ANKIB1: variants seen among roughly 807,000 people sequenced by gnomAD.
ANKIB1 encodes the protein ankyrin repeat and IBR domain containing 1, also known as ankyrin repeat and IBR domain-containing protein 1.
In ANKIB1, 43 loss-of-function variants were observed where a neutral mutation model predicts 122.1. The ratio of observed to expected loss-of-function variants is 0.35; its 90% CI spans 0.28 to 0.45. ANKIB1 has a LOEUF of 0.45. ANKIB1 is among the 20% of genes least tolerant of loss of function. The pLI is 1.00. For synonymous variants in ANKIB1, 390 were observed against 442.0 expected (o/e 0.88, Z 1.48); for missense variants, 992 against 1,329.5 (o/e 0.75, Z 3.95).
chr7:92,392,833 C>A (rs905317909), intron 17 of ANKIB1, among the ~76,000 whole-genome samples: 1 of 151,832 alleles, frequency 6.6e-6, no homozygotes, highest in East Asian at 1.9e-4. Flanking sequence ...ATTAATATAC[C>A]GTTTTGAAAT....
chr7:92,396,382 G>A lies in ANKIB1; in HGVS notation c.2301G>A (p.Gln767=), dbSNP rs1804889626. 1.9e-6 allele frequency: 3 copies of A among 1,584,006 alleles called. No homozygotes were observed. Among genetic ancestry groups the A allele is most frequent in the Non-Finnish European group, 1.7e-6 (2 of 1,161,250 alleles). ...FASPEEYAEF[Q]YRRRHRQRRR... is the part of the protein sequence containing the mutation. The stretch of plus-strand genomic sequence containing the variant: ...TTATGCAGGAATATGCTGAATTTCA[G>A]TATCGGAGGAGGCACAGACAACGTC... The change falls in exon 18 of 20, where the codon CAG becomes CAA. Residue 767 remains glutamine, a synonymous_variant. Transcript: ENST00000265742.
At chr7:92,358,872 G>C (rs1052308331) in intron 9 of ANKIB1, among the ~76,000 whole-genome samples, 3 of 151,958 alleles carry the variant, frequency 2.0e-5, no homozygotes, top group Admixed American at 1.3e-4. Context: ...TAAAAAATGA[G>C]TCATGAGAAA....
chr7:92,280,868 T>C (rs1212326734), intron 1 of ANKIB1, among the ~76,000 whole-genome samples: 2 of 152,348 alleles, frequency 1.3e-5, no homozygotes, highest in Admixed American at 6.5e-5. Context: ...TCATCCTTTC[T>C]TTTCCCAAAC....
chr7:92,312,074 T>C (rs573542215), intron 3 of ANKIB1, among the ~76,000 whole-genome samples: 17 of 152,260 alleles, frequency 1.1e-4, no homozygotes, highest in Admixed American at 9.8e-4. Context: ...TGGATCTGCC[T>C]CTTTTTTTTA....
At position 92,246,527 on chromosome 7, in the gene ANKIB1, T is replaced by C. The variant is rs1801038315; in HGVS notation, c.-91+8T>C. 1 of 518,092 alleles carries C rather than the reference T, an allele frequency of 1.9e-6. No homozygotes were observed. Among genetic ancestry groups the C allele is most frequent in the Non-Finnish European group, 3.9e-6 (1 of 259,716 alleles). The allele number at this position is 518,092 out of a possible 1,614,324, so 32.1% of individuals were successfully genotyped here. On this transcript the variant is annotated splice_region_variant and intron_variant, in intron 1 of 19. Transcript: ENST00000265742. ...TCAGCGAGAGAAGTAACCGTAAGTCTCAGCTTCGCGGTACAGATGTGTTTG... is the reference window on the plus strand; with the variant it reads ...TCAGCGAGAGAAGTAACCGTAAGTCCCAGCTTCGCGGTACAGATGTGTTTG...
intron 3 of ANKIB1, among the ~76,000 whole-genome samples, chr7:92,317,707 C>T (rs1027072438): frequency 2.0e-5 from 3 of 152,056 alleles, no homozygotes; most frequent in Non-Finnish European, 4.4e-5. Context: ...GATATAAGCC[C>T]GTTGTTTTGT....
intron 1 of ANKIB1, among the ~76,000 whole-genome samples, chr7:92,248,264 AT>A (rs1269089424): frequency 2.0e-5 from 3 of 152,106 alleles, no homozygotes; most frequent in Non-Finnish European, 4.4e-5. Flanking sequence ...AGTTTTCAAT[AT>A]GTAAGGAGTC....
At chr7:92,341,092 G>A (rs1200370643) in intron 5 of ANKIB1, among the ~76,000 whole-genome samples, 2 of 152,062 alleles carry the variant, frequency 1.3e-5, no homozygotes, top group Non-Finnish European at 2.9e-5. Flanking sequence ...ATCACTTGAG[G>A]TCGGGAGTTT....
Position 92,262,161 on chromosome 7 carries a change from G to A in ANKIB1, c.-91+15642G>A, listed in dbSNP as rs149291156. ...GGCCTTGGCAACAGACAGTAGACAT[G>A]GGAGCTCTTAACTCCCTCCTAAATG... On this transcript the variant is annotated intron_variant, in intron 1 of 19. Coordinates refer to ENST00000265742, the MANE Select transcript of ANKIB1 (RefSeq NM_019004.2). 1.1e-3 allele frequency among the ~76,000 whole-genome samples: 168 copies of A among 152,294 alleles called. 10 individuals are homozygous for A. The East Asian group carries it at 0.029, about 27-fold the overall frequency.
chr7:92,355,543 G>A (rs1197389876), intron 9 of ANKIB1, among the ~76,000 whole-genome samples: 2 of 152,090 alleles, frequency 1.3e-5, no homozygotes, highest in Non-Finnish European at 2.9e-5. Context: ...TTGATTGGCA[G>A]GAAATATTCT....
At chr7:92,397,636 G>A in intron 18 of ANKIB1, 87 bp from the exon 19 acceptor site, 1 of 1,447,300 alleles carries the variant, frequency 6.9e-7, no homozygotes, top group Non-Finnish European at 9.5e-7. Flanking sequence ...AAGAGAAATT[G>A]CCCATCTAAA....
intron 10 of ANKIB1, among the ~76,000 whole-genome samples, chr7:92,367,564 TTTC>T (rs764463951): frequency 6.6e-5 from 10 of 152,218 alleles, no homozygotes; most frequent in Non-Finnish European, 1.5e-4. Flanking sequence ...ATGAAATAAT[TTTC>T]TTCTTTATGC....
rs1554338740 is a variant in ANKIB1, at chr7:92,309,942, A to ATAT, written c.486+2286_486+2287insTAT. 1.4e-3 allele frequency among the ~76,000 whole-genome samples: 131 copies of ATAT among 91,756 alleles called. 2 individuals are homozygous for ATAT. Among genetic ancestry groups the ATAT allele is most frequent in the East Asian group, 0.012 (26 of 2,168 alleles). The allele number at this position is 91,756 out of a possible 152,430, so 60.2% of individuals were successfully genotyped here. Reference sequence around the variant, plus strand: ...TCCATCTAAAAAAAAAAAAAAAAAAAATATATATATATATATATATAAATT... The same window carrying ATAT: ...TCCATCTAAAAAAAAAAAAAAAAAAATATATATATATATATATATATATAAATT... On this transcript the variant is annotated intron_variant, in intron 3 of 19. Coordinates refer to ENST00000265742, the MANE Select transcript of ANKIB1 (RefSeq NM_019004.2).
At chr7:92,339,264 G>C (rs1220712451) in intron 5 of ANKIB1, among the ~76,000 whole-genome samples, 1 of 151,584 alleles carries the variant, frequency 6.6e-6, no homozygotes, top group Admixed American at 6.6e-5. Flanking sequence ...GGATGGTCTT[G>C]ATCTCCTGAC....
At chr7:92,371,950 G>GGTGTGTGTGTGTGTGTGTGT (rs55936298) in intron 11 of ANKIB1, among the ~76,000 whole-genome samples, 2 of 118,066 alleles carry the variant, frequency 1.7e-5, no homozygotes, top group Non-Finnish European at 3.4e-5. Context: ...TTGAGAGAGG[G>GGTGTGTGTGTGTGTGTGTGT]GTGTGTGTGT....
At chr7:92,364,995 C>A (rs1034963581) in intron 10 of ANKIB1, among the ~76,000 whole-genome samples, 1 of 151,930 alleles carries the variant, frequency 6.6e-6, no homozygotes, top group Non-Finnish European at 1.5e-5. Flanking sequence ...GTGGAGATGT[C>A]CAGTGGAATT....
chr7:92,383,726 T>G (rs1804571943), intron 11 of ANKIB1, among the ~76,000 whole-genome samples: 1 of 152,202 alleles, frequency 6.6e-6, no homozygotes, highest in South Asian at 2.1e-4. Flanking sequence ...GTCTAGGTAT[T>G]GATGGAACAG....
Position 92,387,969 on chromosome 7 carries a change from C to A in ANKIB1, c.1840-6C>A, listed in dbSNP as rs1804696170. 6.3e-7 allele frequency: 1 copy of A among 1,589,732 alleles called. No individual in the cohort carries two copies. The highest frequency in any genetic ancestry group is 8.6e-7 in the Non-Finnish European group (1 of 1,167,212). On this transcript the variant is annotated splice_polypyrimidine_tract_variant and splice_region_variant and intron_variant, in intron 13 of 19. Transcript: ENST00000265742. ...TGGTTTAAATTCTTTATTTCTATTC[C>A]TTTAGCTAGAACAACGCCTTCTTAA...
chr7:92,330,371 T>C (rs1453101039), intron 5 of ANKIB1, among the ~76,000 whole-genome samples: 1 of 152,174 alleles, frequency 6.6e-6, no homozygotes, highest in Admixed American at 6.5e-5. Context: ...AAAACAGTTT[T>C]GTAATGAATA....
Sources: allele counts gnomAD v4.1 joint callset (sites outside exome capture counted in the v4.1 genomes callset), GRCh38; gene constraint gnomAD v4.1.1; transcripts MANE v1.5; gene names NCBI Gene and HGNC (gene_info 2026-07-23, HGNC 2026-07-21).